Variants in NAALADL2 observed in about 807,000 individuals in gnomAD.
NAALADL2 encodes the protein inactive N-acetylated-alpha-linked acidic dipeptidase-like protein 2.
Under a neutral mutation model 87.2 loss-of-function variants are expected in NAALADL2, and 76 were observed. That is an observed-to-expected ratio of 0.87 (90% CI 0.72 to 1.05). The LOEUF (loss-of-function observed/expected upper bound fraction) is 1.05. NAALADL2 is among the 50% of genes least tolerant of loss of function. NAALADL2 has a pLI of 0.00. For missense variants in NAALADL2, 1,089 were observed against 945.8 expected (o/e 1.15, Z -1.99); for synonymous variants, 354 against 331.0 (o/e 1.07, Z -0.75).
rs190671302 is a variant in NAALADL2, at chr3:174,787,883, G to T, written c.-9+50137G>T. Among the ~76,000 whole-genome samples the T allele has an allele frequency of 2.0e-5, 3 of 151,660 alleles. No homozygotes were observed. In the East Asian group the frequency reaches 5.9e-4, roughly 30 times the overall value. ...GTAGATTCAGTTGGTTAATAACCAA[G>T]TCAGCACTCCAGCTCTGAGTGACAG... On this transcript the variant is annotated intron_variant, in intron 3 of 3. Transcript: ENST00000434257.
chr3:175,035,270 A>G (rs753768182), intron 1 of NAALADL2, among the ~76,000 whole-genome samples: 6 of 152,218 alleles, frequency 3.9e-5, no homozygotes, highest in Non-Finnish European at 8.8e-5. Context: ...AGAATAAAGT[A>G]GACTTAAAGT....
intron 2 of NAALADL2, among the ~76,000 whole-genome samples, chr3:174,667,684 GGTGA>G (rs1284443734): frequency 1.3e-5 from 2 of 151,770 alleles, no homozygotes; most frequent in Non-Finnish European, 2.9e-5. Flanking sequence ...TCTCCTGGTG[GGTGA>G]GAGTTCTGCT....
chr3:174,488,682 A>G (rs942328095), intron 1 of NAALADL2, among the ~76,000 whole-genome samples: 1 of 151,888 alleles, frequency 6.6e-6, no homozygotes, highest in African/African-American at 2.4e-5. Flanking sequence ...AAATTTTGTC[A>G]TATTCACTTT....
intron 2 of NAALADL2, among the ~76,000 whole-genome samples, chr3:175,123,296 A>G (rs961027617): frequency 2.0e-5 from 3 of 151,968 alleles, no homozygotes; most frequent in African/African-American, 7.2e-5. Context: ...TGAACTAAGC[A>G]ATGACTAATG....
intron 2 of NAALADL2, among the ~76,000 whole-genome samples, chr3:175,207,621 C>T (rs1741136776): frequency 6.6e-6 from 1 of 152,108 alleles, no homozygotes; most frequent in African/African-American, 2.4e-5. Flanking sequence ...ACATCTGCAT[C>T]CTTTAGTTGC....
intron 5 of NAALADL2, among the ~76,000 whole-genome samples, chr3:175,387,269 T>C (rs1050243877): frequency 4.6e-5 from 7 of 152,154 alleles, no homozygotes; most frequent in African/African-American, 1.7e-4. Flanking sequence ...GCATTCCCTA[T>C]GGATAAAGAG....
At chr3:175,568,960 A>C (rs1172157896) in intron 9 of NAALADL2, among the ~76,000 whole-genome samples, 2 of 152,202 alleles carry the variant, frequency 1.3e-5, no homozygotes, top group Non-Finnish European at 2.9e-5. Context: ...GCAAAGTTAC[A>C]AGTACTACTA....
At chr3:174,808,061 C>T (rs1400663809) in intron 3 of NAALADL2, among the ~76,000 whole-genome samples, 1 of 151,964 alleles carries the variant, frequency 6.6e-6, no homozygotes, top group East Asian at 1.9e-4. Context: ...TGAAATTCTG[C>T]AGTGTTTTCA....
At chr3:174,605,601 T>C (rs1021752915) in intron 2 of NAALADL2, among the ~76,000 whole-genome samples, 8 of 152,060 alleles carry the variant, frequency 5.3e-5, no homozygotes, top group African/African-American at 1.7e-4. Flanking sequence ...AAGGTGGCAG[T>C]GAGGCTGGGG....
rs377072963 is a variant in NAALADL2 at position 174,553,823 on chromosome 3, C to G, written c.-115+3186C>G. ...TCTTGTGATTAATTCAGGAAATGAA[C>G]AGTCTGGGCTTTCCATTGTACATTC... On this transcript the variant is annotated intron_variant, in intron 2 of 3. Transcript: ENST00000434257. Among the ~76,000 whole-genome samples the G allele has an allele frequency of 3.4e-5, 5 of 147,792 alleles. No individual in the cohort carries two copies. In the East Asian group the frequency reaches 9.0e-4, roughly 27 times the overall value.
At chr3:175,295,587 G>A (rs1342560328) in intron 4 of NAALADL2, among the ~76,000 whole-genome samples, 1 of 151,806 alleles carries the variant, frequency 6.6e-6, no homozygotes, top group Non-Finnish European at 1.5e-5. Flanking sequence ...TGTTTCACAA[G>A]TCCAGCTTTC....
chr3:174,980,454 C>G (rs910953000), intron 1 of NAALADL2, among the ~76,000 whole-genome samples: 9 of 152,198 alleles, frequency 5.9e-5, no homozygotes, highest in African/African-American at 1.9e-4. Context: ...CTGCTATGAT[C>G]AAGCCTGTGA....
At chr3:175,638,532 G>A (rs1331188454) in intron 11 of NAALADL2, among the ~76,000 whole-genome samples, 1 of 152,148 alleles carries the variant, frequency 6.6e-6, no homozygotes, top group Non-Finnish European at 1.5e-5. Context: ...TGGTCACAGT[G>A]CCTAGACCTT....
At chr3:175,587,634 T>A (rs1720724847) in intron 10 of NAALADL2, among the ~76,000 whole-genome samples, 1 of 152,128 alleles carries the variant, frequency 6.6e-6, no homozygotes, top group African/African-American at 2.4e-5. Context: ...AAGGGTGGGT[T>A]AAAATTTAAT....
chr3:175,161,486 A>C (rs1733205866), intron 2 of NAALADL2, among the ~76,000 whole-genome samples: 1 of 152,158 alleles, frequency 6.6e-6, no homozygotes, highest in Non-Finnish European at 1.5e-5. Context: ...ATGTTGTTGC[A>C]CCATTGTCTC....
At chr3:175,372,444 G>A (rs1480661484) in intron 5 of NAALADL2, among the ~76,000 whole-genome samples, 1 of 152,112 alleles carries the variant, frequency 6.6e-6, no homozygotes, top group Non-Finnish European at 1.5e-5. Flanking sequence ...ATGAGAAATC[G>A]AATGAAGCGT....
intron 13 of NAALADL2, among the ~76,000 whole-genome samples, chr3:175,767,343 A>T (rs2150166346): frequency 1.3e-5 from 2 of 152,296 alleles, no homozygotes; most frequent in African/African-American, 4.8e-5. Context: ...TTAATACATG[A>T]TTTAATGTGC....
intron 1 of NAALADL2, among the ~76,000 whole-genome samples, chr3:175,072,924 C>T (rs1580302123): frequency 6.6e-6 from 1 of 151,908 alleles, no homozygotes; most frequent in East Asian, 1.9e-4. Context: ...TAAATGATTG[C>T]AATGAAAATT....
intron 1 of NAALADL2, among the ~76,000 whole-genome samples, chr3:174,480,630 A>T (rs1314689723): frequency 6.6e-6 from 1 of 152,116 alleles, no homozygotes; most frequent in Non-Finnish European, 1.5e-5. Context: ...TTACATTTTT[A>T]TTAATCATAT....
Sources: gnomAD v4.1 joint callset for allele counts (sites outside exome capture counted in the v4.1 genomes callset) on GRCh38, gnomAD v4.1.1 for gene constraint, MANE v1.5 for transcripts, NCBI Gene and HGNC (gene_info 2026-07-23, HGNC 2026-07-21) for gene names.